Variants in HMGN3 observed in about 807,000 individuals in gnomAD.
HMGN3 encodes high mobility group nucleosome-binding domain-containing protein 3.
In HMGN3, 6 loss-of-function variants were observed where a neutral mutation model predicts 18.8. The observed-to-expected ratio is 0.32, with a 90% CI of 0.18 to 0.63. The LOEUF is 0.63. Among genes scored for constraint, HMGN3 ranks in the 30% least tolerant of loss-of-function variants. HMGN3 has a pLI of 0.79. For synonymous variants in HMGN3, 40 were observed against 36.5 expected, an observed-to-expected ratio of 1.10 and a Z score of -0.35; for missense variants, 107 against 114.2, an observed-to-expected ratio of 0.94 and a Z score of 0.29.
chr6:79,229,160 T>C (rs548626413), intron 1 of HMGN3, among the ~76,000 whole-genome samples: 1 of 152,338 alleles, frequency 6.6e-6, no homozygotes, highest in Non-Finnish European at 1.5e-5. Context: ...ATCCATAACC[T>C]TGAATTAGGC....
At chr6:79,226,724 T>A (rs773465967) in intron 1 of HMGN3, among the ~76,000 whole-genome samples, 4 of 152,218 alleles carry the variant, frequency 2.6e-5, no homozygotes, top group Non-Finnish European at 4.4e-5. Context: ...AAATATTAAA[T>A]TTTGGAGCCA....
At chr6:79,222,317 A>C (rs144617349) in intron 1 of HMGN3, among the ~76,000 whole-genome samples, 5 of 152,306 alleles carry the variant, frequency 3.3e-5, no homozygotes, top group African/African-American at 1.2e-4. Context: ...TCCAGTATTA[A>C]ATTGGTTAAA....
At chr6:79,232,174 GT>G (rs1339320565) in intron 1 of HMGN3, among the ~76,000 whole-genome samples, 1 of 152,194 alleles carries the variant, frequency 6.6e-6, no homozygotes, top group African/African-American at 2.4e-5. Context: ...TGCTTTGGCA[GT>G]TACCCCAGCT....
chr6:79,207,390 G>A (rs557075971), intron 3 of HMGN3, among the ~76,000 whole-genome samples: 152 of 152,234 alleles, frequency 1.0e-3, no homozygotes, highest in Middle Eastern at 3.4e-3. Flanking sequence ...TGAGTCTGGT[G>A]AGATCTGATG....
chr6:79,231,060 C>T (rs1562006550), intron 1 of HMGN3, among the ~76,000 whole-genome samples: 1 of 152,098 alleles, frequency 6.6e-6, no homozygotes, highest in Non-Finnish European at 1.5e-5. Flanking sequence ...TGTCAAGAGA[C>T]ATGACTGCTT....
At chr6:79,229,158 C>T (rs527508070) in intron 1 of HMGN3, among the ~76,000 whole-genome samples, 2 of 152,196 alleles carry the variant, frequency 1.3e-5, no homozygotes, top group South Asian at 4.2e-4. Context: ...ACATCCATAA[C>T]CTTGAATTAG....
chr6:79,225,080 T>C (rs1395346924), intron 1 of HMGN3, among the ~76,000 whole-genome samples: 1 of 152,246 alleles, frequency 6.6e-6, no homozygotes, highest in Non-Finnish European at 1.5e-5. Context: ...CCTTTAAAGC[T>C]TCACATTTTG....
chr6:79,203,190 G>T (rs1323630282), intron 4 of HMGN3, among the ~76,000 whole-genome samples: 2 of 152,010 alleles, frequency 1.3e-5, no homozygotes, highest in Admixed American at 1.3e-4. Flanking sequence ...ATTATTATTA[G>T]ACCTCAGACT....
At chr6:79,231,103 G>A (rs1424125955) in intron 1 of HMGN3, among the ~76,000 whole-genome samples, 1 of 152,156 alleles carries the variant, frequency 6.6e-6, no homozygotes, top group Non-Finnish European at 1.5e-5. Context: ...TGCCTCATTA[G>A]AGAATTTCTG....
At chr6:79,204,825 C>T (rs188264640) in intron 3 of HMGN3, among the ~76,000 whole-genome samples, 1 of 152,054 alleles carries the variant, frequency 6.6e-6, no homozygotes, top group Admixed American at 6.5e-5. Flanking sequence ...TATTAATCTT[C>T]TTATCACCCT....
chr6:79,214,528 T>C (rs1168705693), intron 2 of HMGN3, among the ~76,000 whole-genome samples: 1 of 152,148 alleles, frequency 6.6e-6, no homozygotes, highest in Non-Finnish European at 1.5e-5. Flanking sequence ...GAGATGATCC[T>C]TCTCAGGCAA....
chr6:79,229,426 C>T (rs749853195), intron 1 of HMGN3, among the ~76,000 whole-genome samples: 13 of 151,918 alleles, frequency 8.6e-5, no homozygotes, highest in South Asian at 4.2e-4. Flanking sequence ...CTAGTAAACA[C>T]GTGAAAAGAT....
At chr6:79,216,024 C>G (rs1455767744) in intron 1 of HMGN3, among the ~76,000 whole-genome samples, 1 of 152,150 alleles carries the variant, frequency 6.6e-6, no homozygotes, top group Non-Finnish European at 1.5e-5. Context: ...GTGGTAATGC[C>G]TCATCTGATA....
exon 6 of HMGN3, chr6:79,201,590 G>A: frequency 2.4e-6 from 2 of 835,216 alleles, no homozygotes; most frequent in East Asian, 4.9e-5. Context: ...AACTAGTAGA[G>A]TCCTAAAAAA....
chr6:79,222,634 G>A (rs1274254273), intron 1 of HMGN3, among the ~76,000 whole-genome samples: 1 of 152,180 alleles, frequency 6.6e-6, no homozygotes, highest in Admixed American at 6.5e-5. Flanking sequence ...GTAGGTGTAT[G>A]TCTGGGATCC....
intron 1 of HMGN3, among the ~76,000 whole-genome samples, chr6:79,227,626 T>C (rs1329343255): frequency 1.3e-5 from 2 of 152,232 alleles, no homozygotes; most frequent in Non-Finnish European, 2.9e-5. Context: ...GAGCATATCA[T>C]TATTCCCATT....
intron 1 of HMGN3, among the ~76,000 whole-genome samples, chr6:79,221,158 A>C (rs910059890): frequency 6.6e-6 from 1 of 152,210 alleles, no homozygotes; most frequent in Non-Finnish European, 1.5e-5. Context: ...AAATTACATA[A>C]CTAGGTTTAC....
At chr6:79,214,334 TG>T (rs1388426657) in intron 2 of HMGN3, among the ~76,000 whole-genome samples, 5 of 151,944 alleles carry the variant, frequency 3.3e-5, no homozygotes, top group African/African-American at 1.2e-4. Context: ...CCCGAGTAGC[TG>T]GGACTACAGG....
chr6:79,233,927 G>C (rs1778000524), intron 1 of HMGN3: 2 of 152,656 alleles, frequency 1.3e-5, no homozygotes, highest in African/African-American at 4.8e-5. Flanking sequence ...CCGAACTGCG[G>C]GTAGGTCCAG....
Sources: gnomAD v4.1 joint callset for allele counts (sites outside exome capture counted in the v4.1 genomes callset) on GRCh38, gnomAD v4.1.1 for gene constraint, MANE v1.5 for transcripts, NCBI Gene and HGNC (gene_info 2026-07-23, HGNC 2026-07-21) for gene names.